The following RAB3B variants were observed in gnomAD, a reference collection of about 807,000 sequenced individuals.
RAB3B encodes RAB3B, member RAS oncogene family.
A neutral mutation model predicts 20.5 loss-of-function variants in RAB3B; 11 were observed. The observed-to-expected ratio is 0.54, with a 90% CI of 0.34 to 0.89. RAB3B has a LOEUF of 0.89. Ranked by LOEUF, RAB3B falls within the 40% of genes least tolerant of loss-of-function variation. RAB3B has a pLI of 0.02. For missense variants in RAB3B, 225 were observed against 280.9 expected, an observed-to-expected ratio of 0.80 and a Z score of 1.42; for synonymous variants, 99 against 106.3, an observed-to-expected ratio of 0.93 and a Z score of 0.42.
chr1:51,935,697 T>C (rs1177718638), intron 3 of RAB3B, among the ~76,000 whole-genome samples: 9 of 150,926 alleles, frequency 6.0e-5, no homozygotes, highest in Non-Finnish European at 1.3e-4. Context: ...ATGGGCAGCG[T>C]GGAGACACTT....
chr1:51,945,532 T>C (rs981947880), intron 2 of RAB3B, among the ~76,000 whole-genome samples: 2 of 152,212 alleles, frequency 1.3e-5, no homozygotes, highest in African/African-American at 4.8e-5. Flanking sequence ...GGTATGCCTG[T>C]ACCTACCTCA....
intron 1 of RAB3B, among the ~76,000 whole-genome samples, chr1:51,982,002 T>A (rs577609532): frequency 1.6e-4 from 25 of 152,278 alleles, no homozygotes; most frequent in Admixed American, 1.2e-3. Context: ...TAATATTTTT[T>A]AAAAAGTTAA....
rs1684123438 is a variant in RAB3B, at chr1:51,918,817, A to C, written c.*1110T>G. 1 of 152,244 alleles carries C rather than the reference A, an allele frequency of 6.6e-6. No homozygotes were observed. Among genetic ancestry groups the C allele is most frequent in the African/African-American group, 2.4e-5 (1 of 41,450 alleles). The allele number at this position is 152,244 out of a possible 1,614,324, so 9.4% of individuals were successfully genotyped here. On this transcript the variant is annotated 3_prime_UTR_variant, in exon 5 of 5. Coordinates refer to ENST00000371655, the MANE Select transcript of RAB3B (RefSeq NM_002867.4). ...CAATTTCACTAAGTTCCCACAGTTA[A>C]GAACCAACTGGAAAGCAGCAAAATC...
chr1:51,945,632 T>A (rs1013302696), intron 2 of RAB3B, among the ~76,000 whole-genome samples: 1 of 152,224 alleles, frequency 6.6e-6, no homozygotes, highest in Non-Finnish European at 1.5e-5. Flanking sequence ...CATCAGCTAT[T>A]GTTTTTGCAC....
intron 1 of RAB3B, among the ~76,000 whole-genome samples, chr1:51,979,964 C>T (rs1383565314): frequency 3.3e-5 from 5 of 151,900 alleles, no homozygotes; most frequent in African/African-American, 1.2e-4. Context: ...TGGCGTGAAC[C>T]AGGGAGGCGG....
intron 1 of RAB3B, among the ~76,000 whole-genome samples, chr1:51,981,732 T>C (rs1685090902): frequency 6.6e-6 from 1 of 152,202 alleles, no homozygotes; most frequent in South Asian, 2.1e-4. Context: ...CATAAGATTA[T>C]AATGGAGCTG....
At chr1:51,968,819 C>T (rs1684890308) in intron 2 of RAB3B, among the ~76,000 whole-genome samples, 1 of 152,214 alleles carries the variant, frequency 6.6e-6, no homozygotes, top group Non-Finnish European at 1.5e-5. Flanking sequence ...GACTGCCCAG[C>T]ACCCCATCTC....
rs377673682 is a variant in RAB3B at position 51,989,103 on chromosome 1, G to GCGCGCACACACACA, written c.-1+1448_-1+1449insTGTGTGTGTGCGCG. ...CAGGTGGACACCCACCTGTGCGCGC[G>GCGCGCACACACACA]CACACACACACACACACACACACAC... On this transcript the variant is annotated intron_variant, in intron 1 of 4. Coordinates refer to ENST00000371655, the MANE Select transcript of RAB3B (RefSeq NM_002867.4). Among the ~76,000 whole-genome samples the GCGCGCACACACACA allele has an allele frequency of 1.6e-3, 215 of 132,756 alleles. 2 individuals are homozygous for GCGCGCACACACACA. The highest frequency in any genetic ancestry group is 4.4e-3 in the African/African-American group (158 of 35,914). The allele number at this position is 132,756 out of a possible 152,430, so 87.1% of individuals were successfully genotyped here.
At chr1:51,942,690 T>A (rs554934406) in intron 2 of RAB3B, among the ~76,000 whole-genome samples, 2 of 152,328 alleles carry the variant, frequency 1.3e-5, no homozygotes, top group South Asian at 4.1e-4. Flanking sequence ...ATAATAATAA[T>A]ACTTCATTTT....
chr1:51,976,331 A>C (rs1685008888), intron 2 of RAB3B, among the ~76,000 whole-genome samples: 1 of 151,828 alleles, frequency 6.6e-6, no homozygotes, highest in South Asian at 2.1e-4. Flanking sequence ...ATGCCCAGCT[A>C]ATTTGTTTTA....
At position 51,911,150 on chromosome 1, in the gene RAB3B, A is replaced by T. The variant is rs941857151; in HGVS notation, c.*8777T>A. ...GTTAGCTGTTTTGTCTACCTGCTGG[A>T]TACCTGGGAAGCCAGACTCTGTGTG... On this transcript the variant is annotated 3_prime_UTR_variant, in exon 5 of 5. Transcript: ENST00000371655. 6.6e-6 allele frequency: 1 copy of T among 152,164 alleles called. No individual in the cohort carries two copies. Among genetic ancestry groups the T allele is most frequent in the Non-Finnish European group, 1.5e-5 (1 of 68,048 alleles). The allele number at this position is 152,164 out of a possible 1,614,324, so 9.4% of individuals were successfully genotyped here.
chr1:51,935,462 C>T (rs1684386552), intron 3 of RAB3B, among the ~76,000 whole-genome samples: 1 of 152,200 alleles, frequency 6.6e-6, no homozygotes, highest in Non-Finnish European at 1.5e-5. Context: ...CCTCAGTCTT[C>T]AGACTCAAGG....
chr1:51,922,086 A>G (rs1408152101), intron 4 of RAB3B, among the ~76,000 whole-genome samples: 1 of 152,218 alleles, frequency 6.6e-6, no homozygotes, highest in African/African-American at 2.4e-5. Flanking sequence ...ATGAAGAAGG[A>G]GGCAGCTGCT....
intron 2 of RAB3B, among the ~76,000 whole-genome samples, chr1:51,975,951 C>G (rs1186258082): frequency 6.6e-6 from 1 of 151,126 alleles, no homozygotes; most frequent in Non-Finnish European, 1.5e-5. Context: ...GAGATCATGT[C>G]ACTGCACTCC....
intron 2 of RAB3B, among the ~76,000 whole-genome samples, chr1:51,967,408 A>G (rs933469252): frequency 6.6e-6 from 1 of 151,970 alleles, no homozygotes; most frequent in Non-Finnish European, 1.5e-5. Flanking sequence ...ACAAGGTAAC[A>G]GGAAATCTTA....
At chr1:51,989,373 CTT>C (rs926308094) in intron 1 of RAB3B, among the ~76,000 whole-genome samples, 1 of 151,760 alleles carries the variant, frequency 6.6e-6, no homozygotes, top group African/African-American at 2.4e-5. Flanking sequence ...AGTTGGATGA[CTT>C]TTTCTGTCCA....
At chr1:51,956,786 G>T (rs1684712120) in intron 2 of RAB3B, among the ~76,000 whole-genome samples, 1 of 152,152 alleles carries the variant, frequency 6.6e-6, no homozygotes, top group Admixed American at 6.5e-5. Flanking sequence ...TTGTTTAGAC[G>T]GGCTGTGCCA....
At chr1:51,921,614 G>A (rs1234020056) in intron 4 of RAB3B, among the ~76,000 whole-genome samples, 2 of 152,016 alleles carry the variant, frequency 1.3e-5, no homozygotes, top group Non-Finnish European at 2.9e-5. Flanking sequence ...GTCTGGGCAA[G>A]TCACTTCACC....
Position 51,918,297 on chromosome 1 carries a change from T to C in RAB3B, c.*1630A>G, listed in dbSNP as rs1355576113. 22 of 152,226 alleles carry C rather than the reference T, an allele frequency of 1.4e-4. No homozygotes were observed. The highest frequency in any genetic ancestry group is 1.4e-3 in the Admixed American group (22 of 15,282). 9.4% of individuals were successfully genotyped at this position (152,226 alleles called of 1,614,324 possible). A position where few individuals can be genotyped will look rare whatever the true frequency, so the allele number is the denominator to read the frequency against. The stretch of plus-strand genomic sequence containing the variant: ...TTAAGATTTATTTTGCTTTGAATCA[T>C]ACTTCTCAGTTAGACTGCTCAAGAG... On this transcript the variant is annotated 3_prime_UTR_variant, in exon 5 of 5. Transcript: ENST00000371655.
Sources: allele counts gnomAD v4.1 joint callset (sites outside exome capture counted in the v4.1 genomes callset), GRCh38; gene constraint gnomAD v4.1.1; transcripts MANE v1.5; gene names NCBI Gene and HGNC (gene_info 2026-07-23, HGNC 2026-07-21).